Variants in KIRREL3 observed in about 807,000 individuals in gnomAD.
The protein encoded by KIRREL3 is kin of IRRE-like protein 3.
KIRREL3 carries 36 observed loss-of-function variants against 89.7 expected under a neutral mutation model. That is an observed-to-expected ratio of 0.40 (90% confidence interval 0.31 to 0.53). KIRREL3 has a LOEUF of 0.53. KIRREL3 is among the 20% of genes least tolerant of loss of function. The pLI is 0.49. For synonymous variants in KIRREL3, 445 were observed against 441.4 expected (o/e 1.01, Z -0.10); for missense variants, 864 against 1,056.6 (o/e 0.82, Z 2.53).
rs556267587 is a variant in KIRREL3 at position 126,860,649 on chromosome 11, G to A, written c.55+139806C>T. 6.6e-6 allele frequency among the ~76,000 whole-genome samples: 1 copy of A among 152,318 alleles called. No individual in the cohort carries two copies. The highest frequency in any genetic ancestry group is 2.1e-4 in the South Asian group (1 of 4,820). ...CTATAAACAACGTATAGTTGTTGAAGGTTTCTAGACAGAAGAATGGCTTGG... is the reference window on the plus strand; with the variant it reads ...CTATAAACAACGTATAGTTGTTGAAAGTTTCTAGACAGAAGAATGGCTTGG... On this transcript the variant is annotated intron_variant, in intron 1 of 16. Coordinates refer to ENST00000525144, the MANE Select transcript of KIRREL3 (RefSeq NM_032531.4). The surrounding 1 kb of genome is among the most constrained non-coding windows in gnomAD (Gnocchi z 4.6).
intron 1 of KIRREL3, among the ~76,000 whole-genome samples, chr11:126,613,928 G>C (rs1943243307): frequency 6.7e-6 from 1 of 148,666 alleles, no homozygotes; most frequent in South Asian, 2.2e-4. Flanking sequence ...TAGCAGGGGA[G>C]TGAACCTGAA....
At chr11:126,573,599 G>A (rs976364182) in intron 1 of KIRREL3, among the ~76,000 whole-genome samples, 2 of 152,106 alleles carry the variant, frequency 1.3e-5, no homozygotes, top group African/African-American at 2.4e-5. Flanking sequence ...CCATTACGAC[G>A]CTGTATCCTA....
chr11:126,806,559 T>C (rs1951209973), intron 1 of KIRREL3, among the ~76,000 whole-genome samples: 1 of 152,196 alleles, frequency 6.6e-6, no homozygotes, highest in African/African-American at 2.4e-5. Flanking sequence ...ACTCCCTGAG[T>C]TGAACTCCTA....
At position 126,605,104 on chromosome 11, in the gene KIRREL3, C is replaced by A. The variant is rs965103585; in HGVS notation, c.56-42192G>T. Among the ~76,000 whole-genome samples, 6 of 152,204 alleles carry A rather than the reference C, an allele frequency of 3.9e-5. No individual in the cohort carries two copies. The highest frequency in any genetic ancestry group is 1.4e-4 in the African/African-American group (6 of 41,462). On this transcript the variant is annotated intron_variant, in intron 1 of 16. Coordinates refer to ENST00000525144, the MANE Select transcript of KIRREL3 (RefSeq NM_032531.4). This position sits in a 1 kb window ranked among gnomAD's most constrained non-coding sequence, Gnocchi z 5.7. Reference sequence around the variant, plus strand: ...GAGGGTGTGGCCTTTCTTGGCCCTGCCCTTTCTCCTTGGCTCCTCCCACGC... The same window carrying A: ...GAGGGTGTGGCCTTTCTTGGCCCTGACCTTTCTCCTTGGCTCCTCCCACGC...
intron 1 of KIRREL3, among the ~76,000 whole-genome samples, chr11:126,613,424 C>T (rs1478953980): frequency 6.6e-6 from 1 of 152,162 alleles, no homozygotes; most frequent in Admixed American, 6.5e-5. Flanking sequence ...GGGATCAGAA[C>T]ATTCAGCAGC....
In KIRREL3 at chr11:126,912,450, T is replaced by C. The variant is rs1946862607; in HGVS notation, c.55+88005A>G. Among the ~76,000 whole-genome samples the C allele has an allele frequency of 6.6e-6, 1 of 152,170 alleles. No homozygotes were observed. Among genetic ancestry groups the C allele is most frequent in the Admixed American group, 6.5e-5 (1 of 15,282 alleles). On this transcript the variant is annotated intron_variant, in intron 1 of 16. Coordinates refer to ENST00000525144, the MANE Select transcript of KIRREL3 (RefSeq NM_032531.4). This position sits in a 1 kb window ranked among gnomAD's most constrained non-coding sequence, Gnocchi z 4.7. ...TCCATCTCACATTCCTCCAGCTGGT[T>C]CAGCACTTCCGATGGCTCCAGTCCT...
chr11:127,001,723 C>A (rs189129320), upstream of KIRREL3, among the ~76,000 whole-genome samples: 12 of 151,836 alleles, frequency 7.9e-5, no homozygotes, highest in Non-Finnish European at 1.8e-4. Flanking sequence ...ACTTAATAGA[C>A]ATTTAGGCAT....
At chr11:126,893,601 G>A (rs909195879) in intron 1 of KIRREL3, among the ~76,000 whole-genome samples, 7 of 152,192 alleles carry the variant, frequency 4.6e-5, no homozygotes, top group African/African-American at 7.2e-5. Context: ...CGCTGTGGAA[G>A]GCCCGGCTAC....
At position 126,978,097 on chromosome 11, in the gene KIRREL3, A is replaced by G. The variant is rs887379683; in HGVS notation, c.55+22358T>C. ...GCCTCCTTCCAAGCCTGTGGCCACA[A>G]GCCCCAGGGATAATGGTCAGCACAT... On this transcript the variant is annotated intron_variant, in intron 1 of 16. Coordinates refer to ENST00000525144, the MANE Select transcript of KIRREL3 (RefSeq NM_032531.4). This position sits in a 1 kb window ranked among gnomAD's most constrained non-coding sequence, Gnocchi z 4.2. 5.3e-5 allele frequency among the ~76,000 whole-genome samples: 8 copies of G among 152,286 alleles called. No individual in the cohort carries two copies. Among genetic ancestry groups the G allele is most frequent in the Middle Eastern group, 3.4e-3 (1 of 294 alleles).
chr11:126,913,740 C>T (rs531513999), intron 1 of KIRREL3, among the ~76,000 whole-genome samples: 2 of 152,334 alleles, frequency 1.3e-5, no homozygotes, highest in Admixed American at 1.3e-4. Flanking sequence ...GAAAAAGTGC[C>T]TCCTCTCAAG....
chr11:126,827,125 A>G (rs1592185111), intron 1 of KIRREL3, among the ~76,000 whole-genome samples: 2 of 150,824 alleles, frequency 1.3e-5, no homozygotes, highest in African/African-American at 4.9e-5. Context: ...AATGACATTC[A>G]CCCCTCAGAG....
chr11:126,593,627 C>T (rs544932183), intron 1 of KIRREL3, among the ~76,000 whole-genome samples: 1 of 152,230 alleles, frequency 6.6e-6, no homozygotes, highest in African/African-American at 2.4e-5. Flanking sequence ...ATGCATGAGA[C>T]AATCTGGAAT....
chr11:126,938,673 G>A (rs1948308386), intron 1 of KIRREL3, among the ~76,000 whole-genome samples: 1 of 152,190 alleles, frequency 6.6e-6, no homozygotes, highest in African/African-American at 2.4e-5. Flanking sequence ...ATATTTGCTT[G>A]TGTGTTCCAA....
At chr11:126,927,092 C>A (rs1000910551) in intron 1 of KIRREL3, among the ~76,000 whole-genome samples, 2 of 152,182 alleles carry the variant, frequency 1.3e-5, no homozygotes, top group African/African-American at 4.8e-5. Context: ...GCTTTCCAGT[C>A]ACTGGCCAAA....
At chr11:126,699,518 T>C (rs987360907) in intron 1 of KIRREL3, among the ~76,000 whole-genome samples, 2 of 152,244 alleles carry the variant, frequency 1.3e-5, no homozygotes, top group African/African-American at 2.4e-5. Flanking sequence ...TTTCTTCGAA[T>C]AGTATGTTTT....
chr11:126,681,290 A>C (rs1457611428), intron 1 of KIRREL3, among the ~76,000 whole-genome samples: 1 of 152,162 alleles, frequency 6.6e-6, no homozygotes, highest in Admixed American at 6.5e-5. Context: ...TCATACCTCC[A>C]GGTTAGCCTT....
rs896188756 is a variant in KIRREL3, at chr11:126,742,288, G to A, written c.56-179376C>T. On this transcript the variant is annotated intron_variant, in intron 1 of 16. Coordinates refer to ENST00000525144, the MANE Select transcript of KIRREL3 (RefSeq NM_032531.4). This position sits in a 1 kb window ranked among gnomAD's most constrained non-coding sequence, Gnocchi z 5.3. Reference sequence around the variant, plus strand: ...TCCCAGAGAGTCTTGCTGTCTGTCTGTATGCAAGGGAAGTTTATTATCAAA... The same window carrying A: ...TCCCAGAGAGTCTTGCTGTCTGTCTATATGCAAGGGAAGTTTATTATCAAA... Among the ~76,000 whole-genome samples, 4 of 152,186 alleles carry A rather than the reference G, an allele frequency of 2.6e-5. No individual in the cohort carries two copies. Among genetic ancestry groups the A allele is most frequent in the Non-Finnish European group, 4.4e-5 (3 of 68,024 alleles).
In KIRREL3 at chr11:126,997,454, A is replaced by G. The variant is rs532838725; in HGVS notation, c.55+3001T>C. On this transcript the variant is annotated intron_variant, in intron 1 of 16. Coordinates refer to ENST00000525144, the MANE Select transcript of KIRREL3 (RefSeq NM_032531.4). This position sits in a 1 kb window ranked among gnomAD's most constrained non-coding sequence, Gnocchi z 4.3. ...GCCTGGGGACTCTGGCGGGGGTGGA[A>G]TCGGGAGGAATGTTATTTAGCCTTA... is the stretch of plus-strand genomic sequence containing the variant. 6.6e-6 allele frequency among the ~76,000 whole-genome samples: 1 copy of G among 152,246 alleles called. No individual in the cohort carries two copies. The highest frequency in any genetic ancestry group is 2.1e-4 in the South Asian group (1 of 4,824).
chr11:126,468,411 G>A (rs1034159519), intron 5 of KIRREL3, among the ~76,000 whole-genome samples: 6 of 152,258 alleles, frequency 3.9e-5, no homozygotes, highest in Non-Finnish European at 7.3e-5. Context: ...GGCCCCATCC[G>A]GCAGTGTGGC....
Sources: gnomAD v4.1 joint callset for allele counts (sites outside exome capture counted in the v4.1 genomes callset) on GRCh38, gnomAD v4.1.1 for gene constraint, Gnocchi (gnomAD v3.1) non-coding constraint, MANE v1.5 for transcripts, NCBI Gene and HGNC (gene_info 2026-07-23, HGNC 2026-07-21) for gene names.